The following SLC25A21 variants were observed in gnomAD, a reference collection of about 807,000 sequenced individuals.
SLC25A21 encodes the protein solute carrier family 25 member 21, also known as mitochondrial 2-oxodicarboxylate carrier.
A neutral mutation model predicts 43.8 loss-of-function variants in SLC25A21; 47 were observed. The observed-to-expected ratio is 1.07, with a 90% CI of 0.85 to 1.37. The LOEUF is 1.37. Ranked by LOEUF, SLC25A21 falls within the 40% of genes most tolerant of loss-of-function variation. The probability of loss-of-function intolerance (pLI) is 0.00; values close to 1 mark genes in which losing one functional copy is unlikely to be tolerated. For missense variants in SLC25A21, 352 were observed against 350.2 expected, an observed-to-expected ratio of 1.00 and a Z score of -0.04; for synonymous variants, 131 against 121.3, an observed-to-expected ratio of 1.08 and a Z score of -0.52.
chr14:37,172,396 G>C lies in SLC25A21; in HGVS notation c.-46C>G, dbSNP rs765450767. ...AGGGAGTGGGCTGAGATGCGTCAAC[G>C]AGCTCGCAGCCTGCACAGCCTACTG... On this transcript the variant is annotated 5_prime_UTR_variant, in exon 1 of 10. Transcript: ENST00000331299. 41 of 1,545,600 alleles carry C rather than the reference G, an allele frequency of 2.7e-5. No individual in the cohort carries two copies. Among genetic ancestry groups the C allele is most frequent in the Admixed American group, 1.1e-4 (6 of 52,616 alleles).
intron 1 of SLC25A21, among the ~76,000 whole-genome samples, chr14:37,055,106 T>C (rs143960111): frequency 1.9e-4 from 29 of 152,332 alleles, no homozygotes; most frequent in African/African-American, 3.6e-4. Context: ...GTCATCATTG[T>C]ATGTTAGGTG....
At chr14:36,886,213 C>G (rs1261065780) in intron 1 of SLC25A21, among the ~76,000 whole-genome samples, 1 of 152,078 alleles carries the variant, frequency 6.6e-6, no homozygotes, top group East Asian at 1.9e-4. Flanking sequence ...ATGTGAGACT[C>G]ATAAAGGGAA....
In SLC25A21 at chr14:36,992,538, T is replaced by C. The variant is rs1401019706; in HGVS notation, c.71-117534A>G. Among the ~76,000 whole-genome samples the C allele has an allele frequency of 2.0e-5, 3 of 152,320 alleles. No homozygotes were observed. The East Asian group carries it at 5.8e-4, about 29-fold the overall frequency. On this transcript the variant is annotated intron_variant, in intron 1 of 9. Coordinates refer to ENST00000331299, the MANE Select transcript of SLC25A21 (RefSeq NM_030631.4). Reference sequence around the variant, plus strand: ...AGTCAGCAACTGGAAACATATACTCTAGGTATGCTAAGGAGAAACTATTAA... The same window carrying C: ...AGTCAGCAACTGGAAACATATACTCCAGGTATGCTAAGGAGAAACTATTAA...
chr14:36,971,954 G>A (rs958783496), intron 1 of SLC25A21, among the ~76,000 whole-genome samples: 1 of 152,028 alleles, frequency 6.6e-6, no homozygotes, highest in Non-Finnish European at 1.5e-5. Flanking sequence ...TACTATTGGG[G>A]ATTACTTTTT....
At chr14:36,762,079 T>C (rs915726193) in intron 3 of SLC25A21, among the ~76,000 whole-genome samples, 3 of 152,220 alleles carry the variant, frequency 2.0e-5, no homozygotes, top group Non-Finnish European at 4.4e-5. Context: ...GCAGGTACCA[T>C]GCAGGGATAA....
chr14:36,858,545 G>C (rs756545587), intron 2 of SLC25A21, among the ~76,000 whole-genome samples: 4 of 152,120 alleles, frequency 2.6e-5, no homozygotes, highest in Non-Finnish European at 5.9e-5. Context: ...TCTTTTGTGT[G>C]ATGAGAGCAA....
intron 4 of SLC25A21, among the ~76,000 whole-genome samples, chr14:36,730,999 G>A (rs1345636800): frequency 6.7e-6 from 1 of 149,618 alleles, no homozygotes; most frequent in East Asian, 2.0e-4. Flanking sequence ...TCGAGATGGA[G>A]TCTCGCTCTG....
intron 2 of SLC25A21, among the ~76,000 whole-genome samples, chr14:36,865,934 G>T (rs558985518): frequency 3.2e-4 from 48 of 152,280 alleles, no homozygotes; most frequent in African/African-American, 1.1e-3. Flanking sequence ...AGAGAAGTAT[G>T]AAAAGATTTC....
At chr14:37,120,136 A>T (rs532616333) in intron 1 of SLC25A21, among the ~76,000 whole-genome samples, 1 of 152,320 alleles carries the variant, frequency 6.6e-6, no homozygotes, top group South Asian at 2.1e-4. Flanking sequence ...ACGTCAAGAC[A>T]GCTTTTTCTT....
chr14:37,167,502 T>G (rs967857645), intron 1 of SLC25A21, among the ~76,000 whole-genome samples: 2 of 151,122 alleles, frequency 1.3e-5, no homozygotes, highest in Non-Finnish European at 3.0e-5. Context: ...GGAACTTCAT[T>G]TATAGTTTAC....
chr14:37,141,596 C>G (rs531458643), intron 1 of SLC25A21, among the ~76,000 whole-genome samples: 1 of 152,154 alleles, frequency 6.6e-6, no homozygotes, highest in African/African-American at 2.4e-5. Context: ...ATTTGAGTTA[C>G]CGGCTATTTT....
chr14:37,068,933 G>A (rs1322234113), intron 1 of SLC25A21, among the ~76,000 whole-genome samples: 1 of 152,150 alleles, frequency 6.6e-6, no homozygotes, highest in Non-Finnish European at 1.5e-5. Flanking sequence ...CCAGCACTTT[G>A]GGAGGTCGAG....
intron 1 of SLC25A21, among the ~76,000 whole-genome samples, chr14:37,066,291 T>C (rs1387744368): frequency 4.6e-5 from 7 of 152,118 alleles, no homozygotes; most frequent in Non-Finnish European, 1.0e-4. Flanking sequence ...GATTTTGGTC[T>C]TTCAAAAGGT....
rs17105815 is a variant in SLC25A21 at position 36,963,620 on chromosome 14, G to A, written c.71-88616C>T. Among the ~76,000 whole-genome samples the A allele has an allele frequency of 4.3e-3, 650 of 152,230 alleles. 8 individuals are homozygous for A. Among genetic ancestry groups the A allele is most frequent in the African/African-American group, 0.015 (610 of 41,544 alleles). ...TGATGTTTTGCTAGTGGAACACGGGGCCGCTACAACCTTTAACCCTATCTG... is the reference window on the plus strand; with the variant it reads ...TGATGTTTTGCTAGTGGAACACGGGACCGCTACAACCTTTAACCCTATCTG... On this transcript the variant is annotated intron_variant, in intron 1 of 9. Transcript: ENST00000331299.
chr14:37,146,662 T>TATTATGC (rs1285782413), intron 1 of SLC25A21, among the ~76,000 whole-genome samples: 1 of 152,218 alleles, frequency 6.6e-6, no homozygotes, highest in Non-Finnish European at 1.5e-5. Flanking sequence ...CAACAATTAG[T>TATTATGC]ATTATGCATT....
At chr14:37,029,358 T>C (rs1372901619) in intron 1 of SLC25A21, among the ~76,000 whole-genome samples, 1 of 152,206 alleles carries the variant, frequency 6.6e-6, no homozygotes, top group Non-Finnish European at 1.5e-5. Context: ...CCTACCCCTT[T>C]GCAGACTCCA....
In SLC25A21 at chr14:37,172,514, G is replaced by A. The variant is rs1054104766; in HGVS notation, c.-164C>T. 3 of 790,826 alleles carry A rather than the reference G, an allele frequency of 3.8e-6. No homozygotes were observed. Among genetic ancestry groups the A allele is most frequent in the Non-Finnish European group, 6.5e-6 (3 of 458,226 alleles). The allele number at this position is 790,826 out of a possible 1,614,324, so 49.0% of individuals were successfully genotyped here. A position where few individuals can be genotyped will look rare whatever the true frequency, so the allele number is the denominator to read the frequency against. The stretch of plus-strand genomic sequence containing the variant: ...CTGCTGGAAAGCGAGGGTTCGAGGC[G>A]CAGATTCGTCGCGCGATCTCCGGCG... On this transcript the variant is annotated 5_prime_UTR_variant, in exon 1 of 10. Coordinates refer to ENST00000331299, the MANE Select transcript of SLC25A21 (RefSeq NM_030631.4).
chr14:36,802,627 C>T (rs1229029039), intron 3 of SLC25A21, among the ~76,000 whole-genome samples: 1 of 152,008 alleles, frequency 6.6e-6, no homozygotes, highest in Non-Finnish European at 1.5e-5. Context: ...AGTGTTGTTA[C>T]AGAGGAACAA....
chr14:37,095,435 T>C (rs1962669950), intron 1 of SLC25A21, among the ~76,000 whole-genome samples: 3 of 152,152 alleles, frequency 2.0e-5, no homozygotes, highest in African/African-American at 7.2e-5. Flanking sequence ...GGAGAGTCAC[T>C]TGAACCTGGG....
Sources: allele counts gnomAD v4.1 joint callset (sites outside exome capture counted in the v4.1 genomes callset), GRCh38; gene constraint gnomAD v4.1.1; transcripts MANE v1.5; gene names NCBI Gene and HGNC (gene_info 2026-07-23, HGNC 2026-07-21).